PI4K2A: variants seen among roughly 807,000 people sequenced by gnomAD.
PI4K2A encodes phosphatidylinositol 4-kinase type 2-alpha.
A neutral mutation model predicts 55.0 loss-of-function variants in PI4K2A; 20 were observed. The ratio of observed to expected loss-of-function variants is 0.36; its 90% confidence interval spans 0.26 to 0.53. The LOEUF (loss-of-function observed/expected upper bound fraction) is 0.53. PI4K2A is among the 20% of genes least tolerant of loss of function. PI4K2A has a pLI of 0.91. For missense variants in PI4K2A, 463 were observed against 637.1 expected (o/e 0.73, Z 2.94); for synonymous variants, 235 against 258.5 (o/e 0.91, Z 0.87).
At chr10:97,644,528 G>A (rs1266960208) in intron 1 of PI4K2A, among the ~76,000 whole-genome samples, 2 of 152,312 alleles carry the variant, frequency 1.3e-5, no homozygotes, top group East Asian at 3.9e-4. Flanking sequence ...CTCAGGGCTG[G>A]CATGACATTT....
intron 1 of PI4K2A, among the ~76,000 whole-genome samples, chr10:97,647,953 G>A: frequency 6.6e-6 from 1 of 151,354 alleles, no homozygotes; most frequent in South Asian, 2.1e-4. Flanking sequence ...TTCTTTTTTA[G>A]AGATGGGGTC....
At chr10:97,672,367 C>A (rs1260859923) in intron 8 of PI4K2A, among the ~76,000 whole-genome samples, 1 of 152,026 alleles carries the variant, frequency 6.6e-6, no homozygotes, top group Non-Finnish European at 1.5e-5. Context: ...TTCTTGAGAC[C>A]CAGAGATGAC....
chr10:97,650,855 T>C (rs2041527268), intron 1 of PI4K2A, 86 bp from the exon 2 acceptor site: 2 of 1,012,730 alleles, frequency 2.0e-6, no homozygotes, highest in Admixed American at 4.1e-5. Flanking sequence ...TGCCCTGTCA[T>C]TTCTTTCCAG....
At chr10:97,663,086 T>C in intron 5 of PI4K2A, 118 bp downstream of exon 5, 1 of 706,924 alleles carries the variant, frequency 1.4e-6, no homozygotes, top group African/African-American at 1.8e-5. Context: ...GCGCATATGT[T>C]TAAAATTAAT....
chr10:97,642,880 TCTTTCTTC>T lies in PI4K2A; in HGVS notation c.435+1707_435+1714del, dbSNP rs2041483333. On this transcript the variant is annotated intron_variant, in intron 1 of 8. Transcript: ENST00000370631. ...CTTTCTTTCTTTTTCTTTCTTTCTT[TCTTTCTTC>T]CTTCCTTCCTTCCTTCCTTCCTTCC... 1.4e-3 allele frequency among the ~76,000 whole-genome samples: 163 copies of T among 116,118 alleles called. 2 individuals carry two copies. The highest frequency in any genetic ancestry group is 4.5e-3 in the East Asian group (19 of 4,208). 76.2% of individuals were successfully genotyped at this position (116,118 alleles called of 152,430 possible). A position where few individuals can be genotyped will look rare whatever the true frequency, so the allele number is the denominator to read the frequency against.
At chr10:97,662,049 C>G (rs1251905738) in intron 4 of PI4K2A, among the ~76,000 whole-genome samples, 2 of 151,888 alleles carry the variant, frequency 1.3e-5, no homozygotes, top group Non-Finnish European at 2.9e-5. Flanking sequence ...GACATGGGGT[C>G]TCGCTATTTT....
chr10:97,660,029 T>G (rs1290059824), intron 4 of PI4K2A, among the ~76,000 whole-genome samples: 2 of 146,992 alleles, frequency 1.4e-5, no homozygotes, highest in African/African-American at 2.5e-5. Context: ...TGAGACGGAG[T>G]CTCGCTCTGT....
Position 97,656,561 on chromosome 10 carries a change from G to T in PI4K2A, c.768+145G>T. Reference sequence around the variant, plus strand: ...CTGTCTTCCTTATTTCTGTCAAGTGGCTAAGGTTTGAAAAGTTGAGACCTA... The same window carrying T: ...CTGTCTTCCTTATTTCTGTCAAGTGTCTAAGGTTTGAAAAGTTGAGACCTA... On this transcript the variant is annotated intron_variant, in intron 3 of 8. Coordinates refer to ENST00000370631, the Ensembl canonical transcript of PI4K2A. The surrounding 1 kb of genome is among the most constrained non-coding windows in gnomAD (Gnocchi z 4.5). 1 of 822,544 alleles carries T rather than the reference G, an allele frequency of 1.2e-6. No homozygotes were observed. 51.0% of individuals were successfully genotyped at this position (822,544 alleles called of 1,614,324 possible).
chr10:97,649,508 G>A (rs7922366), intron 1 of PI4K2A, among the ~76,000 whole-genome samples: 9,512 of 150,322 alleles, frequency 0.063, 577 homozygotes, highest in East Asian at 0.21. Flanking sequence ...AAGTAGCAGA[G>A]TCTTTTTCCT....
At chr10:97,652,039 GCTTAGT>G (rs2041532153) in intron 2 of PI4K2A, among the ~76,000 whole-genome samples, 2 of 152,024 alleles carry the variant, frequency 1.3e-5, no homozygotes, top group African/African-American at 4.8e-5. Context: ...CTGGCTCCGT[GCTTAGT>G]CTTAACTAGT....
intron 4 of PI4K2A, among the ~76,000 whole-genome samples, chr10:97,657,302 A>T (rs572944157): frequency 6.6e-6 from 1 of 152,058 alleles, no homozygotes; most frequent in African/African-American, 2.4e-5. Flanking sequence ...ATTGATATTT[A>T]AAAAAAATTT....
At chr10:97,669,357 T>C (rs1048501499) in intron 8 of PI4K2A, among the ~76,000 whole-genome samples, 3 of 152,230 alleles carry the variant, frequency 2.0e-5, no homozygotes, top group African/African-American at 7.2e-5. Context: ...CCAGTTGATA[T>C]AGGCTGTGCC....
At chr10:97,667,203 G>GT in intron 8 of PI4K2A, 83 bp downstream of exon 8, 2 of 982,542 alleles carry the variant, frequency 2.0e-6, no homozygotes, top group Non-Finnish European at 3.2e-6. Context: ...TGAAGTTTGT[G>GT]TTTTATACCC....
intron 4 of PI4K2A, among the ~76,000 whole-genome samples, chr10:97,657,995 A>C (rs1488584532): frequency 1.3e-5 from 2 of 151,980 alleles, no homozygotes; most frequent in African/African-American, 4.8e-5. Flanking sequence ...GCCATCATGC[A>C]TGGCTAATTT....
intron 4 of PI4K2A, among the ~76,000 whole-genome samples, chr10:97,658,349 G>T (rs903220431): frequency 6.6e-6 from 1 of 152,166 alleles, no homozygotes; most frequent in African/African-American, 2.4e-5. Flanking sequence ...CATCTATGAT[G>T]TAGTATATAT....
chr10:97,657,460 G>C (rs1326389647), intron 4 of PI4K2A, among the ~76,000 whole-genome samples: 1 of 152,168 alleles, frequency 6.6e-6, no homozygotes, highest in South Asian at 2.1e-4. Flanking sequence ...TTGAGGCCGG[G>C]AGTTCCAGAC....
intron 1 of PI4K2A, among the ~76,000 whole-genome samples, chr10:97,648,051 G>A (rs4244328): frequency 0.15 from 22,023 of 150,424 alleles, 3,908 homozygotes; most frequent in African/African-American, 0.41. Flanking sequence ...TCTCCCCGCC[G>A]AGTAGCTGGG....
chr10:97,645,690 C>A (rs529523847), intron 1 of PI4K2A, among the ~76,000 whole-genome samples: 1 of 149,478 alleles, frequency 6.7e-6, no homozygotes, highest in East Asian at 2.0e-4. Flanking sequence ...TGCCTCTTAA[C>A]GTTTTAGTAA....
intron 8 of PI4K2A, among the ~76,000 whole-genome samples, chr10:97,668,501 C>T (rs1304197600): frequency 6.6e-6 from 1 of 152,090 alleles, no homozygotes; most frequent in Non-Finnish European, 1.5e-5. Flanking sequence ...TTGCTTGGGC[C>T]TGGGAGGTCT....
Sources: allele counts gnomAD v4.1 joint callset (sites outside exome capture counted in the v4.1 genomes callset), GRCh38; gene constraint gnomAD v4.1.1; non-coding constraint Gnocchi (gnomAD v3.1); transcripts MANE v1.5; gene names NCBI Gene and HGNC (gene_info 2026-07-23, HGNC 2026-07-21).